The following C16orf92 variants were observed in gnomAD, a reference collection of about 807,000 sequenced individuals.
C16orf92 encodes fertilization-influencing membrane protein 1, also known as fertilization-influencing membrane protein.
A neutral mutation model predicts 13.7 loss-of-function variants in C16orf92; 14 were observed. That is an observed-to-expected ratio of 1.02 (90% CI 0.67 to 1.60). C16orf92 has a LOEUF of 1.60. Ranked by LOEUF, C16orf92 falls within the 40% of genes most tolerant of loss-of-function variation. The probability of loss-of-function intolerance (pLI) is 0.00; values close to 1 mark genes in which losing one functional copy is unlikely to be tolerated. For synonymous variants in C16orf92, 50 were observed against 57.4 expected (o/e 0.87, Z 0.58); for missense variants, 116 against 139.0 (o/e 0.83, Z 0.83).
At position 30,024,010 on chromosome 16, in the gene C16orf92, G is replaced by A. The variant is rs1489209519; in HGVS notation, c.235G>A (p.Gly79Arg). The change falls in exon 3 of 4, where the codon GGG becomes AGG. Residue 79 changes from glycine (G) to arginine (R), a missense_variant. Transcript: ENST00000681219. ...TGTTTGTCTAGCAGGTTCCAGCCCC[G>A]GGCTCTTCCATCACATCCTGGTGGG... ...IVFINSGSSP[G>R]LFHHILVGLL... 19 of 1,613,530 alleles carry A rather than the reference G, an allele frequency of 1.2e-5. No homozygotes were observed. Among genetic ancestry groups the A allele is most frequent in the East Asian group, 8.9e-5 (4 of 44,890 alleles).
At chr16:30,026,591 C>T (rs1596736137), downstream of C16orf92, 2 of 1,605,912 alleles carry the variant, frequency 1.2e-6, no homozygotes, top group Non-Finnish European at 1.7e-6. Context: ...CCCGCCCGCC[C>T]AGCTCCCCGG....
Position 30,024,633 on chromosome 16 carries a change from C to T in C16orf92, c.*406C>T. On this transcript the variant is annotated 3_prime_UTR_variant, in exon 4 of 4. Transcript: ENST00000681219. ...CACTGGGAAGGCTTGGGGGTAGCAG[C>T]CACCTCCTTCCCCCAACCCAACAGA... 1 of 239,208 alleles carries T rather than the reference C, an allele frequency of 4.2e-6. No homozygotes were observed. 14.8% of individuals were successfully genotyped at this position (239,208 alleles called of 1,614,324 possible).
downstream of C16orf92, chr16:30,025,174 C>T (rs771239939): frequency 4.0e-5 from 57 of 1,434,576 alleles, no homozygotes; most frequent in South Asian, 7.3e-4. This position sits in a 1 kb window ranked among gnomAD's most constrained non-coding sequence, Gnocchi z 4.1. Context: ...AGGGTCCCGG[C>T]CCCCGGCCTC....
At chr16:30,025,429 C>T (rs2071076236), downstream of C16orf92, 1 of 1,612,512 alleles carries the variant, frequency 6.2e-7, no homozygotes, top group Non-Finnish European at 8.5e-7. The surrounding 1 kb of genome is among the most constrained non-coding windows in gnomAD (Gnocchi z 4.1). Flanking sequence ...GCATCAGGGC[C>T]CCGTTCACCT....
chr16:30,026,543 G>T, downstream of C16orf92: 1 of 1,429,740 alleles, frequency 7.0e-7, no homozygotes, highest in Non-Finnish European at 9.7e-7. Context: ...CCAGGCTCCT[G>T]CCAGCACCAG....
At chr16:30,027,683 A>C (rs1274874669), downstream of C16orf92, 1 of 455,182 alleles carries the variant, frequency 2.2e-6, no homozygotes, top group Non-Finnish European at 4.4e-6. Context: ...GAGAGTAAAC[A>C]AAAACGAGAA....
downstream of C16orf92, chr16:30,026,525 G>A (rs931958897): frequency 2.7e-5 from 34 of 1,241,618 alleles, no homozygotes; most frequent in African/African-American, 7.4e-5. Flanking sequence ...ACGCAGACCC[G>A]GGGCTTCCCA....
downstream of C16orf92, chr16:30,027,314 C>T (rs1371687794): frequency 7.6e-6 from 3 of 393,780 alleles, no homozygotes; most frequent in Non-Finnish European, 5.1e-6. Flanking sequence ...ATCTTCCAAA[C>T]TTCCCATGCA....
At chr16:30,025,781 A>G, downstream of C16orf92, 1 of 1,614,076 alleles carries the variant, frequency 6.2e-7, no homozygotes, top group South Asian at 1.1e-5. The surrounding 1 kb of genome is among the most constrained non-coding windows in gnomAD (Gnocchi z 4.1). Flanking sequence ...TGCCATCAAC[A>G]TGCAACCCAG....
At chr16:30,024,929 A>C, downstream of C16orf92, 1 of 437,540 alleles carries the variant, frequency 2.3e-6, no homozygotes, top group Non-Finnish European at 4.0e-6. Flanking sequence ...TCCTGCCCTC[A>C]GTGGGTGGGA....
downstream of C16orf92, chr16:30,027,031 G>A: frequency 1.5e-6 from 1 of 689,316 alleles, no homozygotes; most frequent in South Asian, 1.5e-5. Flanking sequence ...GTAAGAGATG[G>A]TGCTGGGATT....
chr16:30,026,586 C>T, downstream of C16orf92: 1 of 1,600,450 alleles, frequency 6.2e-7, no homozygotes, highest in Non-Finnish European at 8.5e-7. Flanking sequence ...CGCACCCCGC[C>T]CGCCCAGCTC....
Position 30,024,565 on chromosome 16 carries a change from T to C in C16orf92, c.*338T>C, listed in dbSNP as rs1241848326. ...GCCCGAGGGCGCGATGTGCAGCCGA[T>C]GGTGAGGGACTGGGCGCCCTCGCCT... On this transcript the variant is annotated 3_prime_UTR_variant, in exon 4 of 4. Transcript: ENST00000681219. 1 of 370,130 alleles carries C rather than the reference T, an allele frequency of 2.7e-6. No homozygotes were observed. Among genetic ancestry groups the C allele is most frequent in the African/African-American group, 2.1e-5 (1 of 48,514 alleles). The allele number at this position is 370,130 out of a possible 1,614,324, so 22.9% of individuals were successfully genotyped here. A position where few individuals can be genotyped will look rare whatever the true frequency, so the allele number is the denominator to read the frequency against.
Position 30,023,267 on chromosome 16 carries a change from C to G in C16orf92, c.-74C>G. The G allele has an allele frequency of 1.5e-6, 2 of 1,369,528 alleles. No individual in the cohort carries two copies. Among genetic ancestry groups the G allele is most frequent in the Admixed American group, 2.0e-5 (1 of 50,410 alleles). The allele number at this position is 1,369,528 out of a possible 1,614,324, so 84.8% of individuals were successfully genotyped here. A position where few individuals can be genotyped will look rare whatever the true frequency, so the allele number is the denominator to read the frequency against. On this transcript the variant is annotated 5_prime_UTR_variant, in exon 1 of 4. Transcript: ENST00000681219. ...GGGGTCCCAGCTCCTAGCACTTTCT[C>G]CCCTCACCCCAAAGTGCCATCAGAA...
chr16:30,025,248 G>A (rs2071061741), downstream of C16orf92: 8 of 1,534,028 alleles, frequency 5.2e-6, no homozygotes, highest in South Asian at 2.4e-5. This position sits in a 1 kb window ranked among gnomAD's most constrained non-coding sequence, Gnocchi z 4.1. Context: ...CAGGCCCCAC[G>A]GCAGATGAGG....
chr16:30,025,042 G>A, downstream of C16orf92: 1 of 590,586 alleles, frequency 1.7e-6, no homozygotes, highest in Non-Finnish European at 2.9e-6. The surrounding 1 kb of genome is among the most constrained non-coding windows in gnomAD (Gnocchi z 4.1). Flanking sequence ...CGAGAGATGG[G>A]GCCTCTTCCC....
chr16:30,026,615 G>C (rs2071150206), downstream of C16orf92: 1 of 1,613,000 alleles, frequency 6.2e-7, no homozygotes. Context: ...TCACCACTGA[G>C]AGTGGGAAGC....
At chr16:30,026,755 G>A (rs1308249493), downstream of C16orf92, 1 of 1,614,192 alleles carries the variant, frequency 6.2e-7, no homozygotes, top group Non-Finnish European at 8.5e-7. Flanking sequence ...TTGACCTGGT[G>A]CTTGTGCCAG....
chr16:30,023,647 G>C (rs557412004), intron 1 of C16orf92, 80 bp from the exon 2 acceptor site: 2 of 1,612,094 alleles, frequency 1.2e-6, no homozygotes, highest in Non-Finnish European at 1.7e-6. Flanking sequence ...GGTCTCACAG[G>C]GTCCCAAGTC....
Sources: gnomAD v4.1 joint callset for allele counts on GRCh38, gnomAD v4.1.1 for gene constraint, Gnocchi (gnomAD v3.1) non-coding constraint, MANE v1.5 for transcripts, NCBI Gene and HGNC (gene_info 2026-07-23, HGNC 2026-07-21) for gene names.